KCND2: variants seen among roughly 807,000 people sequenced by gnomAD.
KCND2 encodes potassium voltage-gated channel subfamily D member 2, also known as A-type voltage-gated potassium channel KCND2.
KCND2 carries 16 observed loss-of-function variants against 54.4 expected under a neutral mutation model. The ratio of observed to expected loss-of-function variants is 0.29; its 90% CI spans 0.20 to 0.45. The LOEUF (loss-of-function observed/expected upper bound fraction) is 0.45, where lower values mean the gene tolerates loss of function less well. KCND2 is among the 20% of genes least tolerant of loss of function. KCND2 has a pLI of 1.00. For synonymous variants in KCND2, 317 were observed against 310.7 expected, an observed-to-expected ratio of 1.02 and a Z score of -0.21; for missense variants, 486 against 824.2, an observed-to-expected ratio of 0.59 and a Z score of 5.02.
chr7:120,602,315 T>G (rs891344834), intron 1 of KCND2, among the ~76,000 whole-genome samples: 3 of 152,178 alleles, frequency 2.0e-5, no homozygotes, highest in African/African-American at 7.2e-5. Flanking sequence ...GTTACCTCTG[T>G]TTTTTCCACA....
At chr7:120,482,456 T>C (rs1284699157) in intron 1 of KCND2, among the ~76,000 whole-genome samples, 2 of 152,278 alleles carry the variant, frequency 1.3e-5, no homozygotes, top group East Asian at 3.9e-4. Context: ...GACATAAATA[T>C]TGGGGGCCAG....
intron 1 of KCND2, among the ~76,000 whole-genome samples, chr7:120,291,109 T>C (rs1234272864): frequency 6.6e-6 from 1 of 152,026 alleles, no homozygotes; most frequent in Non-Finnish European, 1.5e-5. Context: ...AAATTATATT[T>C]GCTCATGTAT....
chr7:120,576,768 G>A (rs1280793471), intron 1 of KCND2, among the ~76,000 whole-genome samples: 6 of 152,136 alleles, frequency 3.9e-5, no homozygotes, highest in African/African-American at 1.4e-4. Flanking sequence ...AAAGACTGAT[G>A]TGCTTATTGC....
chr7:120,604,275 G>T (rs949440377), intron 1 of KCND2, among the ~76,000 whole-genome samples: 17 of 151,186 alleles, frequency 1.1e-4, no homozygotes, highest in African/African-American at 4.1e-4. Context: ...GCTGAGGCAG[G>T]TGGATTACCT....
At chr7:120,744,071 C>T (rs564727189) in intron 4 of KCND2, among the ~76,000 whole-genome samples, 4 of 152,184 alleles carry the variant, frequency 2.6e-5, no homozygotes, top group African/African-American at 9.6e-5. Context: ...TCCAGCCTGA[C>T]CAACATGGTG....
intron 1 of KCND2, among the ~76,000 whole-genome samples, chr7:120,420,813 G>T (rs766618589): frequency 3.9e-5 from 6 of 152,126 alleles, no homozygotes; most frequent in Non-Finnish European, 7.4e-5. Context: ...GAAGATGATT[G>T]CTGGCAAAAT....
intron 1 of KCND2, among the ~76,000 whole-genome samples, chr7:120,490,417 T>G (rs540529998): frequency 1.3e-5 from 2 of 152,322 alleles, no homozygotes; most frequent in African/African-American, 4.8e-5. Flanking sequence ...AATTCGTTGA[T>G]AAGCATATCA....
At chr7:120,654,807 T>C (rs1276252567) in intron 1 of KCND2, among the ~76,000 whole-genome samples, 2 of 152,138 alleles carry the variant, frequency 1.3e-5, no homozygotes, top group African/African-American at 4.8e-5. Flanking sequence ...TATTTAGATA[T>C]AAATATAAAC....
chr7:120,556,853 A>G (rs1356580152), intron 1 of KCND2, among the ~76,000 whole-genome samples: 1 of 152,230 alleles, frequency 6.6e-6, no homozygotes, highest in Non-Finnish European at 1.5e-5. Flanking sequence ...TTAACATTGC[A>G]TAAAGCAGGG....
Position 120,621,949 on chromosome 7 carries a change from A to G in KCND2, c.1116-110954A>G, listed in dbSNP as rs141312848. The stretch of plus-strand genomic sequence containing the variant: ...GGTCTGTGAAGAATGGCATTCAACT[A>G]TATAAAAAAGAAGGTTTTTTTGTTG... On this transcript the variant is annotated intron_variant, in intron 1 of 5. Transcript: ENST00000331113. Among the ~76,000 whole-genome samples the G allele has an allele frequency of 4.0e-3, 603 of 152,152 alleles. 4 individuals are homozygous for G. The highest frequency in any genetic ancestry group is 0.014 in the African/African-American group (565 of 41,500).
intron 1 of KCND2, among the ~76,000 whole-genome samples, chr7:120,688,862 A>G (rs1000026858): frequency 3.9e-5 from 6 of 152,220 alleles, no homozygotes; most frequent in African/African-American, 1.4e-4. Flanking sequence ...AAGAGTATCA[A>G]AAATGATCTC....
At chr7:120,560,755 T>G (rs181578262) in intron 1 of KCND2, among the ~76,000 whole-genome samples, 75 of 152,332 alleles carry the variant, frequency 4.9e-4, no homozygotes, top group Non-Finnish European at 8.8e-5. Context: ...CTACACCATG[T>G]GTTCCTCTCA....
intron 1 of KCND2, among the ~76,000 whole-genome samples, chr7:120,330,642 T>C (rs1404790308): frequency 6.6e-6 from 1 of 150,850 alleles, no homozygotes; most frequent in Admixed American, 6.6e-5. Context: ...TATAGTCCTT[T>C]TCATCAAACT....
At chr7:120,595,483 GTA>G (rs35672951) in intron 1 of KCND2, among the ~76,000 whole-genome samples, 10,413 of 133,482 alleles carry the variant, frequency 0.078, 1,262 homozygotes, top group African/African-American at 0.26. Context: ...ATATATATGT[GTA>G]TATATATATA....
At chr7:120,419,164 C>T (rs1801570781) in intron 1 of KCND2, among the ~76,000 whole-genome samples, 1 of 151,962 alleles carries the variant, frequency 6.6e-6, no homozygotes, top group Non-Finnish European at 1.5e-5. Context: ...TATTGTACTT[C>T]CTATATATAT....
intron 1 of KCND2, among the ~76,000 whole-genome samples, chr7:120,313,006 T>A (rs1013609887): frequency 6.6e-6 from 1 of 152,208 alleles, no homozygotes; most frequent in Non-Finnish European, 1.5e-5. Flanking sequence ...GTTTAACCAC[T>A]GTGAGTGCTT....
chr7:120,284,499 A>G (rs953157934), intron 1 of KCND2, among the ~76,000 whole-genome samples: 2 of 152,182 alleles, frequency 1.3e-5, no homozygotes, highest in African/African-American at 4.8e-5. Flanking sequence ...TTCTTCTTAA[A>G]TTAGATCAAC....
intron 1 of KCND2, among the ~76,000 whole-genome samples, chr7:120,532,998 A>T (rs1791860945): frequency 1.3e-5 from 2 of 152,078 alleles, no homozygotes; most frequent in South Asian, 4.1e-4. Context: ...AATTTGACAA[A>T]TGATTTTACT....
chr7:120,394,597 C>T (rs1287038123), intron 1 of KCND2, among the ~76,000 whole-genome samples: 1 of 151,940 alleles, frequency 6.6e-6, no homozygotes, highest in African/African-American at 2.4e-5. Context: ...AAAGCAGTTT[C>T]AGCTCCAGAA....
Sources: allele counts gnomAD v4.1 joint callset (sites outside exome capture counted in the v4.1 genomes callset), GRCh38; gene constraint gnomAD v4.1.1; transcripts MANE v1.5; gene names NCBI Gene and HGNC (gene_info 2026-07-23, HGNC 2026-07-21).